FBN1: variants seen among roughly 807,000 people sequenced by gnomAD.
FBN1 encodes fibrillin 1.
In FBN1, 29 loss-of-function variants were observed where a neutral mutation model predicts 365.1. That is an observed-to-expected ratio of 0.08 (90% CI 0.06 to 0.11). The LOEUF is 0.11. Ranked by LOEUF, FBN1 falls within the 10% of genes least tolerant of loss-of-function variation. The pLI, the probability that FBN1 is intolerant of heterozygous loss-of-function variation, is 1.00. For missense variants in FBN1, 2,476 were observed against 3,703.2 expected, an observed-to-expected ratio of 0.67 and a Z score of 8.60; for synonymous variants, 1,210 against 1,270.5, an observed-to-expected ratio of 0.95 and a Z score of 1.01.
chr15:48,615,420 T>C (rs1051453260), intron 2 of FBN1, among the ~76,000 whole-genome samples: 5 of 152,086 alleles, frequency 3.3e-5, no homozygotes, highest in Non-Finnish European at 5.9e-5. Context: ...ACAATTTCAG[T>C]CCTACAAAGC....
chr15:48,499,872 A>G (rs1239197675), intron 17 of FBN1, among the ~76,000 whole-genome samples: 1 of 152,228 alleles, frequency 6.6e-6, no homozygotes, highest in Admixed American at 6.5e-5. Context: ...TATGTAAATC[A>G]TCTGTGCTTA....
chr15:48,435,708 ATATG>A (rs1203192621), intron 53 of FBN1, among the ~76,000 whole-genome samples: 2 of 148,194 alleles, frequency 1.3e-5, no homozygotes, highest in African/African-American at 5.1e-5. Flanking sequence ...GTGTGTATAT[ATATG>A]TGTGTATATA....
At chr15:48,477,997 GCCTCCTCTTACAGT>G (rs1476964881) in intron 32 of FBN1, among the ~76,000 whole-genome samples, 2 of 152,124 alleles carry the variant, frequency 1.3e-5, no homozygotes, top group Non-Finnish European at 1.5e-5. Context: ...GGCTGCTGTG[GCCTCCTCTTACAGT>G]CACGCAGGGA....
chr15:48,435,212 T>G (rs1418451923), intron 53 of FBN1, among the ~76,000 whole-genome samples: 1 of 152,102 alleles, frequency 6.6e-6, no homozygotes, highest in African/African-American at 2.4e-5. Context: ...GCAATGACAG[T>G]GAGAATGACA....
intron 32 of FBN1, among the ~76,000 whole-genome samples, chr15:48,478,915 T>G (rs1446811353): frequency 6.6e-6 from 1 of 152,208 alleles, no homozygotes; most frequent in African/African-American, 2.4e-5. Flanking sequence ...GACAAAACTG[T>G]AATGGAGCCC....
At position 48,536,849 on chromosome 15, in the gene FBN1, C is replaced by T. The variant is rs142243563; in HGVS notation, c.736+762G>A. ...ATCTATTTGCCTCAGAAAAGCATAT[C>T]CTGAAGTTTCTGAAAATATTGCAAC... is the stretch of plus-strand genomic sequence containing the variant. On this transcript the variant is annotated intron_variant, in intron 7 of 65. Coordinates refer to ENST00000316623, the MANE Select transcript of FBN1 (RefSeq NM_000138.5). 7.0e-4 allele frequency among the ~76,000 whole-genome samples: 106 copies of T among 152,266 alleles called. 1 individual carries two copies. The East Asian group carries it at 0.019, about 28-fold the overall frequency.
chr15:48,528,221 A>G (rs1356197949), intron 8 of FBN1, among the ~76,000 whole-genome samples: 1 of 152,260 alleles, frequency 6.6e-6, no homozygotes, highest in Admixed American at 6.5e-5. Context: ...ATCAATATCT[A>G]AAAGGTTTAA....
At chr15:48,499,626 A>T (rs998333321) in intron 17 of FBN1, among the ~76,000 whole-genome samples, 3 of 152,228 alleles carry the variant, frequency 2.0e-5, no homozygotes, top group African/African-American at 7.2e-5. Flanking sequence ...TAATGTTAAA[A>T]CTGTGAGATC....
intron 2 of FBN1, among the ~76,000 whole-genome samples, chr15:48,631,495 A>G (rs1429119828): frequency 6.6e-5 from 10 of 152,222 alleles, no homozygotes; most frequent in Non-Finnish European, 1.5e-4. Context: ...TTGCCCATCC[A>G]GTATCCCTTC....
chr15:48,456,885 G>A, intron 43 of FBN1, 123 bp from the exon 44 acceptor site: 2 of 788,110 alleles, frequency 2.5e-6, no homozygotes, highest in South Asian at 3.4e-5. Context: ...TGCATGTGTT[G>A]GGGTGGTGGT....
chr15:48,568,716 A>C (rs1020363334), intron 6 of FBN1, among the ~76,000 whole-genome samples: 2 of 152,120 alleles, frequency 1.3e-5, no homozygotes, highest in Non-Finnish European at 2.9e-5. Flanking sequence ...GATTTTCAGC[A>C]AAAGTGTCAA....
intron 27 of FBN1, 36 bp from the exon 28 acceptor site, chr15:48,487,473 C>T (rs763575590): frequency 1.2e-6 from 2 of 1,610,158 alleles, no homozygotes; most frequent in Admixed American, 1.7e-5. Context: ...AAGGTGGGGG[C>T]CTCATCTCCT....
intron 2 of FBN1, among the ~76,000 whole-genome samples, chr15:48,634,817 G>A (rs1198193436): frequency 8.7e-6 from 1 of 115,016 alleles, no homozygotes; most frequent in African/African-American, 3.9e-5. Context: ...AAACAGAACC[G>A]GAAAAGGAAG....
At chr15:48,586,073 C>T (rs1220173560) in intron 6 of FBN1, among the ~76,000 whole-genome samples, 1 of 152,156 alleles carries the variant, frequency 6.6e-6, no homozygotes, top group Non-Finnish European at 1.5e-5. Context: ...TTCTTTACCT[C>T]TTAGTAAATA....
chr15:48,641,780 TA>T (rs1890202784), intron 2 of FBN1: 1 of 152,180 alleles, frequency 6.6e-6, no homozygotes, highest in African/African-American at 2.4e-5. Flanking sequence ...ATGTAGTACA[TA>T]ACTGCTTTTT....
intron 6 of FBN1, among the ~76,000 whole-genome samples, chr15:48,586,071 C>T (rs900199447): frequency 6.6e-6 from 1 of 152,130 alleles, no homozygotes; most frequent in Non-Finnish European, 1.5e-5. Context: ...CATTCTTTAC[C>T]TCTTAGTAAA....
At chr15:48,571,436 T>C (rs1433052481) in intron 6 of FBN1, among the ~76,000 whole-genome samples, 1 of 152,164 alleles carries the variant, frequency 6.6e-6, no homozygotes, top group Non-Finnish European at 1.5e-5. Context: ...GACTTTCTAA[T>C]CTTAAAAGCC....
chr15:48,473,817 A>G (rs115570051), intron 34 of FBN1, among the ~76,000 whole-genome samples: 1 of 151,782 alleles, frequency 6.6e-6, no homozygotes, highest in Admixed American at 6.6e-5. Context: ...CAAAAAAAAA[A>G]TAATAATAAA....
chr15:48,644,251 C>T (rs1443191496), intron 2 of FBN1: 1 of 277,892 alleles, frequency 3.6e-6, no homozygotes, highest in Non-Finnish European at 7.0e-6. Flanking sequence ...AAAGTACTTT[C>T]CTCTAGAAAC....
Sources: gnomAD v4.1 joint callset for allele counts (sites outside exome capture counted in the v4.1 genomes callset) on GRCh38, gnomAD v4.1.1 for gene constraint, MANE v1.5 for transcripts, NCBI Gene and HGNC (gene_info 2026-07-23, HGNC 2026-07-21) for gene names.